EDIL3: variants seen among roughly 807,000 people sequenced by gnomAD.
EDIL3 encodes the protein EGF-like repeat and discoidin I-like domain-containing protein 3.
EDIL3 carries 37 observed loss-of-function variants against 67.4 expected under a neutral mutation model. The ratio of observed to expected loss-of-function variants is 0.55; its 90% CI spans 0.42 to 0.72. EDIL3 has a LOEUF of 0.72. Among genes scored for constraint, EDIL3 ranks in the 30% least tolerant of loss-of-function variants. The pLI, the probability that EDIL3 is intolerant of heterozygous loss-of-function variation, is 0.00. For missense variants in EDIL3, 527 were observed against 586.3 expected (o/e 0.90, Z 1.04); for synonymous variants, 195 against 196.3 (o/e 0.99, Z 0.05).
chr5:84,381,424 G>A (rs1748072928), intron 1 of EDIL3, among the ~76,000 whole-genome samples: 1 of 151,842 alleles, frequency 6.6e-6, no homozygotes, highest in Non-Finnish European at 1.5e-5. Flanking sequence ...TTAATGGTCA[G>A]GTAAATTAGG....
chr5:84,033,247 C>T (rs1745959637), intron 9 of EDIL3, among the ~76,000 whole-genome samples: 1 of 152,206 alleles, frequency 6.6e-6, no homozygotes, highest in South Asian at 2.1e-4. Context: ...TTAATTTCAA[C>T]TTGATTATTT....
chr5:84,096,104 G>C (rs1747258127), intron 6 of EDIL3, among the ~76,000 whole-genome samples: 1 of 152,136 alleles, frequency 6.6e-6, no homozygotes, highest in South Asian at 2.1e-4. Context: ...GCAGGGGTGA[G>C]GCCCTCATGG....
intron 1 of EDIL3, among the ~76,000 whole-genome samples, chr5:84,289,361 T>C (rs778680019): frequency 2.0e-5 from 3 of 152,220 alleles, no homozygotes; most frequent in Non-Finnish European, 4.4e-5. Context: ...GCTTGAGTTT[T>C]ATATACTGTG....
chr5:84,350,386 T>C (rs1373601180), intron 1 of EDIL3, among the ~76,000 whole-genome samples: 3 of 152,058 alleles, frequency 2.0e-5, no homozygotes, highest in African/African-American at 2.4e-5. Flanking sequence ...TTCTTTGATA[T>C]ATCTAGTAGT....
chr5:84,264,633 C>T (rs1745309646), intron 1 of EDIL3, among the ~76,000 whole-genome samples: 1 of 152,130 alleles, frequency 6.6e-6, no homozygotes, highest in Non-Finnish European at 1.5e-5. Context: ...GAACTTTACG[C>T]TTTTAGATAA....
chr5:84,294,044 T>C (rs1293399725), intron 1 of EDIL3, among the ~76,000 whole-genome samples: 1 of 151,874 alleles, frequency 6.6e-6, no homozygotes, highest in African/African-American at 2.4e-5. Context: ...TACTGTAAAA[T>C]TGCAGATTCC....
chr5:84,201,358 T>C (rs758598465), intron 3 of EDIL3, among the ~76,000 whole-genome samples: 3 of 152,074 alleles, frequency 2.0e-5, no homozygotes, highest in Non-Finnish European at 4.4e-5. Flanking sequence ...ATAAATGTAT[T>C]TACAATCTAT....
At chr5:84,011,947 C>T (rs720267) in intron 9 of EDIL3, among the ~76,000 whole-genome samples, 130,334 of 152,082 alleles carry the variant, frequency 0.86, 56,130 homozygotes, top group Non-Finnish European at 0.89. Context: ...ATTAATTTCA[C>T]TGGTTTGTTG....
intron 8 of EDIL3, among the ~76,000 whole-genome samples, chr5:84,062,440 G>T (rs139634203): frequency 3.3e-5 from 5 of 152,154 alleles, no homozygotes; most frequent in African/African-American, 9.6e-5. Flanking sequence ...TGAAGTACTG[G>T]ATAGAAAAGG....
chr5:84,380,294 GAGA>G (rs71721814), intron 1 of EDIL3, among the ~76,000 whole-genome samples: 7,073 of 151,990 alleles, frequency 0.047, 221 homozygotes, highest in Non-Finnish European at 0.066. Flanking sequence ...TTAAAACACA[GAGA>G]AGAACTGAAT....
At chr5:84,049,838 T>C (rs990916785) in intron 9 of EDIL3, among the ~76,000 whole-genome samples, 5 of 151,944 alleles carry the variant, frequency 3.3e-5, no homozygotes, top group Admixed American at 2.0e-4. Context: ...CCGATAGAAA[T>C]AGCATAACAA....
At chr5:83,945,182 T>C (rs977202280) in intron 10 of EDIL3, among the ~76,000 whole-genome samples, 1 of 151,996 alleles carries the variant, frequency 6.6e-6, no homozygotes, top group Non-Finnish European at 1.5e-5. Flanking sequence ...TGCCCTGTCT[T>C]GCACAAAGGA....
rs577939299 is a variant in EDIL3 at position 84,371,337 on chromosome 5, ATATATG to A, written c.67+12965_67+12970del. The stretch of plus-strand genomic sequence containing the variant: ...ATAAAAAGTATATATATATATATAT[ATATATG>A]TGTGTGTGTATATATATGTGTGTAT... On this transcript the variant is annotated intron_variant, in intron 1 of 10. Transcript: ENST00000296591. Among the ~76,000 whole-genome samples the A allele has an allele frequency of 3.2e-3, 463 of 143,656 alleles. 2 individuals carry two copies. The highest frequency in any genetic ancestry group is 5.5e-3 in the Non-Finnish European group (367 of 66,372). 94.2% of individuals were successfully genotyped at this position (143,656 alleles called of 152,430 possible).
chr5:84,012,868 T>G (rs1404279110), intron 9 of EDIL3, among the ~76,000 whole-genome samples: 1 of 152,018 alleles, frequency 6.6e-6, no homozygotes, highest in African/African-American at 2.4e-5. Flanking sequence ...CTTATTACTC[T>G]ACAAATAGCT....
At chr5:84,028,051 C>G (rs191928063) in intron 9 of EDIL3, among the ~76,000 whole-genome samples, 1 of 152,112 alleles carries the variant, frequency 6.6e-6, no homozygotes, top group Non-Finnish European at 1.5e-5. Context: ...TAATCCTCCA[C>G]GTTTTTTCCT....
chr5:83,943,591 TGTC>T, intron 10 of EDIL3, 23 bp from the exon 11 acceptor site: 1 of 1,610,104 alleles, frequency 6.2e-7, no homozygotes. Context: ...AGCAGAAAAA[TGTC>T]AGTCACACAG....
At chr5:84,124,224 G>A (rs972547900) in intron 5 of EDIL3, among the ~76,000 whole-genome samples, 3 of 151,908 alleles carry the variant, frequency 2.0e-5, no homozygotes, top group South Asian at 2.1e-4. Context: ...GATCGGAAAA[G>A]GGATTTGGCC....
In EDIL3 at chr5:83,941,876, A is replaced by G. The variant is rs941129828; in HGVS notation, c.*1543T>C. On this transcript the variant is annotated 3_prime_UTR_variant, in exon 11 of 11. Transcript: ENST00000296591. Reference sequence around the variant, plus strand: ...AAATTCTTCACTATGATTGAAGACCACTCCATATATACATCATTAAGAAAT... The same window carrying G: ...AAATTCTTCACTATGATTGAAGACCGCTCCATATATACATCATTAAGAAAT... 6.6e-6 allele frequency: 1 copy of G among 151,952 alleles called. No homozygotes were observed. The highest frequency in any genetic ancestry group is 1.5e-5 in the Non-Finnish European group (1 of 67,904). 9.4% of individuals were successfully genotyped at this position (151,952 alleles called of 1,614,324 possible).
In EDIL3 at chr5:84,005,144, C is replaced by A. The variant is rs528233591; in HGVS notation, c.1138-41784G>T. On this transcript the variant is annotated intron_variant, in intron 9 of 10. Transcript: ENST00000296591. ...AGATTAAACCTGGAAGAAATTGAAA[C>A]CCTGAACAGATCAATAATGAGTTTT... is the stretch of plus-strand genomic sequence containing the variant. Among the ~76,000 whole-genome samples the A allele has an allele frequency of 7.2e-5, 11 of 152,072 alleles. No individual in the cohort carries two copies. The South Asian group carries it at 2.1e-3, about 29-fold the overall frequency.
Sources: allele counts gnomAD v4.1 joint callset (sites outside exome capture counted in the v4.1 genomes callset), GRCh38; gene constraint gnomAD v4.1.1; transcripts MANE v1.5; gene names NCBI Gene and HGNC (gene_info 2026-07-23, HGNC 2026-07-21).